RASAL2: variants seen among roughly 807,000 people sequenced by gnomAD.
RASAL2 encodes ras GTPase-activating protein nGAP.
In RASAL2, 58 loss-of-function variants were observed where a neutral mutation model predicts 128.9. The observed-to-expected ratio is 0.45, with a 90% confidence interval of 0.36 to 0.56. The LOEUF (loss-of-function observed/expected upper bound fraction) is 0.56, where lower values mean the gene tolerates loss of function less well. Among genes scored for constraint, RASAL2 ranks in the 20% least tolerant of loss-of-function variants. The probability of loss-of-function intolerance (pLI) is 0.00; values close to 1 mark genes in which losing one functional copy is unlikely to be tolerated. For missense variants in RASAL2, 1,360 were observed against 1,601.6 expected (o/e 0.85, Z 2.57); for synonymous variants, 561 against 580.8 (o/e 0.97, Z 0.49).
intron 2 of RASAL2, among the ~76,000 whole-genome samples, chr1:178,297,016 C>T (rs997665286): frequency 3.3e-5 from 5 of 150,218 alleles, no homozygotes; most frequent in African/African-American, 1.2e-4. Context: ...AGAAGAAGCC[C>T]AGTACAGGGC....
At chr1:178,350,976 CAGAG>C (rs938932779) in intron 3 of RASAL2, among the ~76,000 whole-genome samples, 50 of 152,158 alleles carry the variant, frequency 3.3e-4, no homozygotes, top group African/African-American at 1.2e-3. Context: ...GGGGAAGTCT[CAGAG>C]AGCTTTTATT....
chr1:178,212,513 A>AC (rs1359202208), intron 1 of RASAL2, among the ~76,000 whole-genome samples: 1 of 152,036 alleles, frequency 6.6e-6, no homozygotes, highest in Admixed American at 6.6e-5. Flanking sequence ...TTTTTTTGAG[A>AC]CGGAGTCTCA....
intron 1 of RASAL2, among the ~76,000 whole-genome samples, chr1:178,126,878 G>C (rs967524839): frequency 6.6e-6 from 1 of 152,156 alleles, no homozygotes; most frequent in African/African-American, 2.4e-5. Flanking sequence ...GTCATGTCCA[G>C]TCTGCTGCCT....
intron 13 of RASAL2, 126 bp downstream of exon 13, chr1:178,457,025 C>A: frequency 1.2e-6 from 1 of 847,464 alleles, no homozygotes; most frequent in Non-Finnish European, 1.8e-6. Flanking sequence ...CTCATCTGAC[C>A]TGAGAGCAGT....
At chr1:178,134,639 ACT>A (rs1558072922) in intron 1 of RASAL2, among the ~76,000 whole-genome samples, 1 of 152,090 alleles carries the variant, frequency 6.6e-6, no homozygotes, top group African/African-American at 2.4e-5. Context: ...CACAATTCTG[ACT>A]CTGCTCAGTG....
chr1:178,415,186 A>G (rs1674678032), intron 4 of RASAL2, among the ~76,000 whole-genome samples: 2 of 151,984 alleles, frequency 1.3e-5, no homozygotes, highest in Non-Finnish European at 2.9e-5. Context: ...CTTCTTTTCT[A>G]GTATATGCAT....
At chr1:178,296,153 GTATATATA>G (rs894273287) in intron 2 of RASAL2, among the ~76,000 whole-genome samples, 2 of 125,400 alleles carry the variant, frequency 1.6e-5, no homozygotes, top group African/African-American at 1.0e-4. Flanking sequence ...GTATATATGT[GTATATATA>G]TGTGTGTGTG....
chr1:178,216,680 C>T (rs1571645448), intron 1 of RASAL2, among the ~76,000 whole-genome samples: 1 of 152,286 alleles, frequency 6.6e-6, no homozygotes, highest in East Asian at 1.9e-4. Context: ...CACTCTGTTG[C>T]TCAGGCTGAA....
chr1:178,401,507 G>T (rs1420931030), intron 4 of RASAL2, among the ~76,000 whole-genome samples: 2 of 152,098 alleles, frequency 1.3e-5, no homozygotes, highest in Admixed American at 6.5e-5. Context: ...GGGCCTGGTG[G>T]TACATGCCAG....
intron 3 of RASAL2, among the ~76,000 whole-genome samples, chr1:178,313,031 A>G (rs1214166152): frequency 6.6e-6 from 1 of 152,218 alleles, no homozygotes; most frequent in East Asian, 1.9e-4. Flanking sequence ...ACAGCCATTA[A>G]GTGGCAAAGA....
intron 1 of RASAL2, among the ~76,000 whole-genome samples, chr1:178,269,060 G>A (rs969317338): frequency 1.3e-5 from 2 of 152,140 alleles, no homozygotes; most frequent in Non-Finnish European, 2.9e-5. Flanking sequence ...TTTGGACATA[G>A]GACCTGTGAG....
intron 1 of RASAL2, among the ~76,000 whole-genome samples, chr1:178,107,789 A>G (rs1298910688): frequency 1.3e-5 from 2 of 152,160 alleles, no homozygotes; most frequent in Non-Finnish European, 2.9e-5. Flanking sequence ...ATGTATAAAA[A>G]TTTCATTTTT....
At chr1:178,197,855 C>CCCATGT (rs1461847905) in intron 1 of RASAL2, among the ~76,000 whole-genome samples, 19 of 152,082 alleles carry the variant, frequency 1.2e-4, no homozygotes, top group African/African-American at 4.6e-4. Flanking sequence ...CCCCATTCCC[C>CCCATGT]CACCCAATGA....
At chr1:178,169,849 T>C (rs1330678490) in intron 1 of RASAL2, among the ~76,000 whole-genome samples, 1 of 152,002 alleles carries the variant, frequency 6.6e-6, no homozygotes, top group Non-Finnish European at 1.5e-5. Flanking sequence ...TTGTAAAAAT[T>C]ATTAGGGTGT....
chr1:178,444,090 G>A (rs1676840949), intron 8 of RASAL2, among the ~76,000 whole-genome samples: 1 of 151,958 alleles, frequency 6.6e-6, no homozygotes, highest in African/African-American at 2.4e-5. Context: ...TGATAATCTT[G>A]GGCATTCTGT....
chr1:178,100,892 TAG>T (rs1315223546), intron 1 of RASAL2, among the ~76,000 whole-genome samples: 1 of 152,156 alleles, frequency 6.6e-6, no homozygotes, highest in African/African-American at 2.4e-5. Context: ...TTTAACTAAC[TAG>T]AGAGTTGTTT....
At chr1:178,162,515 T>A (rs1661359967) in intron 1 of RASAL2, among the ~76,000 whole-genome samples, 1 of 131,020 alleles carries the variant, frequency 7.6e-6, no homozygotes, top group Non-Finnish European at 1.6e-5. Flanking sequence ...TATATATATT[T>A]TATATAAAGT....
At chr1:178,454,184 A>G (rs1677592481) in intron 11 of RASAL2, among the ~76,000 whole-genome samples, 1 of 146,208 alleles carries the variant, frequency 6.8e-6, no homozygotes, top group South Asian at 2.1e-4. Flanking sequence ...AGAGAAATTT[A>G]AATCCCAGAA....
At chr1:178,233,250 C>T (rs755518668) in intron 1 of RASAL2, among the ~76,000 whole-genome samples, 1 of 152,220 alleles carries the variant, frequency 6.6e-6, no homozygotes, top group Admixed American at 6.5e-5. Context: ...GTAGAGGAAT[C>T]TTAAAGTTTA....
Sources: allele counts gnomAD v4.1 joint callset (sites outside exome capture counted in the v4.1 genomes callset), GRCh38; gene constraint gnomAD v4.1.1; transcripts MANE v1.5; gene names NCBI Gene and HGNC (gene_info 2026-07-23, HGNC 2026-07-21).